The following TSPAN18 variants were observed in gnomAD, a reference collection of about 807,000 sequenced individuals.
TSPAN18 encodes tetraspanin 18.
A neutral mutation model predicts 27.3 loss-of-function variants in TSPAN18; 14 were observed. The ratio of observed to expected loss-of-function variants is 0.51; its 90% confidence interval spans 0.34 to 0.80. The LOEUF is 0.80. TSPAN18 is among the 30% of genes least tolerant of loss of function. The pLI, the probability that TSPAN18 is intolerant of heterozygous loss-of-function variation, is 0.01. For synonymous variants in TSPAN18, 143 were observed against 136.5 expected (o/e 1.05, Z -0.33); for missense variants, 268 against 323.9 (o/e 0.83, Z 1.32).
intron 1 of TSPAN18, among the ~76,000 whole-genome samples, chr11:44,746,873 G>T (rs1446839262): frequency 6.6e-6 from 1 of 152,230 alleles, no homozygotes; most frequent in Non-Finnish European, 1.5e-5. Context: ...TGCTTGCCTG[G>T]TGCTACCCCT....
At chr11:44,749,781 T>C (rs1590416779) in intron 1 of TSPAN18, among the ~76,000 whole-genome samples, 1 of 151,986 alleles carries the variant, frequency 6.6e-6, no homozygotes, top group Non-Finnish European at 1.5e-5. Flanking sequence ...GGACTACAGG[T>C]GCCCGCTACC....
At chr11:44,821,040 A>G (rs1223150064) in intron 2 of TSPAN18, among the ~76,000 whole-genome samples, 1 of 152,198 alleles carries the variant, frequency 6.6e-6, no homozygotes, top group Non-Finnish European at 1.5e-5. Context: ...CCAGAGCAAT[A>G]CATATGGACT....
At chr11:44,884,331 G>A (rs753981306) in intron 3 of TSPAN18, among the ~76,000 whole-genome samples, 3 of 152,166 alleles carry the variant, frequency 2.0e-5, no homozygotes, top group South Asian at 4.1e-4. Flanking sequence ...CAGCACAACC[G>A]TTCCATGTGC....
At chr11:44,741,135 G>A (rs537632953) in intron 1 of TSPAN18, among the ~76,000 whole-genome samples, 3 of 152,312 alleles carry the variant, frequency 2.0e-5, no homozygotes, top group East Asian at 3.9e-4. Context: ...TCAGGAAGCC[G>A]AGGCGTGGTT....
At chr11:44,782,545 CAAAAA>C (rs71038822) in intron 2 of TSPAN18, among the ~76,000 whole-genome samples, 3 of 110,692 alleles carry the variant, frequency 2.7e-5, no homozygotes, top group Non-Finnish European at 1.9e-5. Flanking sequence ...TCCGTCTCCA[CAAAAA>C]AAAAAAAAAA....
chr11:44,781,914 C>T (rs571964046), intron 2 of TSPAN18, among the ~76,000 whole-genome samples: 13 of 152,254 alleles, frequency 8.5e-5, no homozygotes, highest in Admixed American at 2.6e-4. Flanking sequence ...TTGCCTGTTC[C>T]GGAACTTGCT....
chr11:44,806,248 C>T (rs775156893), intron 2 of TSPAN18, among the ~76,000 whole-genome samples: 25 of 152,060 alleles, frequency 1.6e-4, no homozygotes, highest in Non-Finnish European at 3.5e-4. Context: ...TTGGCCAGGC[C>T]GCTCTCAAAC....
intron 3 of TSPAN18, among the ~76,000 whole-genome samples, chr11:44,887,328 C>T (rs1858689228): frequency 6.6e-6 from 1 of 152,218 alleles, no homozygotes; most frequent in South Asian, 2.1e-4. Flanking sequence ...CATGCAACGT[C>T]CTTAACCCAG....
intron 1 of TSPAN18, among the ~76,000 whole-genome samples, chr11:44,747,759 C>T (rs868179073): frequency 7.2e-5 from 11 of 152,188 alleles, no homozygotes; most frequent in East Asian, 1.9e-4. Context: ...CACACTCACA[C>T]GCTACCTTCA....
chr11:44,827,815 G>T (rs1407545580), intron 2 of TSPAN18, among the ~76,000 whole-genome samples: 1 of 152,206 alleles, frequency 6.6e-6, no homozygotes, highest in African/African-American at 2.4e-5. Context: ...TTGTGCAAAA[G>T]ATGTTGGCAG....
At chr11:44,831,146 A>G (rs1238808890) in intron 2 of TSPAN18, among the ~76,000 whole-genome samples, 1 of 152,126 alleles carries the variant, frequency 6.6e-6, no homozygotes, top group African/African-American at 2.4e-5. Context: ...AAACAAACAA[A>G]ACAAAATGCC....
Position 44,776,779 on chromosome 11 carries a change from A to G in TSPAN18, c.-153+12267A>G, listed in dbSNP as rs76444467. On this transcript the variant is annotated intron_variant, in intron 2 of 9. Transcript: ENST00000520358. ...AGGGCTGCCATGAGGATTCCAGGGA[A>G]GGTAGCTGAGGAAGTGCTGGGTCAG... Among the ~76,000 whole-genome samples the G allele has an allele frequency of 1.0e-3, 156 of 152,276 alleles. 1 individual carries two copies. The highest frequency in any genetic ancestry group is 1.9e-3 in the Non-Finnish European group (127 of 68,016).
rs1183412128 is a variant in TSPAN18, at chr11:44,854,202, G to GC, written c.-152-6126_-152-6125insC. ...TCTCTGCTCATTGGGGCAGGGGGTG[G>GC]GGGGGGGGGTTTGTGTGCGTGTGAT... On this transcript the variant is annotated intron_variant, in intron 2 of 9. Coordinates refer to ENST00000520358, the MANE Select transcript of TSPAN18 (RefSeq NM_130783.5). Among the ~76,000 whole-genome samples, 63 of 121,166 alleles carry GC rather than the reference G, an allele frequency of 5.2e-4. 3 individuals are homozygous for GC. Among genetic ancestry groups the GC allele is most frequent in the African/African-American group, 2.5e-3 (59 of 23,974 alleles). 79.5% of individuals were successfully genotyped at this position (121,166 alleles called of 152,430 possible). A position where few individuals can be genotyped will look rare whatever the true frequency, so the allele number is the denominator to read the frequency against.
chr11:44,768,731 G>A (rs1208222718), intron 2 of TSPAN18, among the ~76,000 whole-genome samples: 13 of 152,048 alleles, frequency 8.5e-5, no homozygotes, highest in African/African-American at 3.1e-4. Flanking sequence ...TTCTGTAGAT[G>A]CTCTTTATCA....
In TSPAN18 at chr11:44,850,533, T is replaced by C. The variant is rs186909969; in HGVS notation, c.-152-9795T>C. Among the ~76,000 whole-genome samples the C allele has an allele frequency of 5.3e-5, 8 of 152,256 alleles. No homozygotes were observed. In the East Asian group the frequency reaches 1.5e-3, roughly 29 times the overall value. On this transcript the variant is annotated intron_variant, in intron 2 of 9. Transcript: ENST00000520358. ...GGGTTTTTCCAGAAAAACCCTTCAA[T>C]GTGGATGGAATGATCATTGTAATAA...
At chr11:44,876,829 A>C (rs1332649279) in intron 3 of TSPAN18, among the ~76,000 whole-genome samples, 1 of 152,138 alleles carries the variant, frequency 6.6e-6, no homozygotes, top group East Asian at 1.9e-4. Context: ...AAGCTCCCTG[A>C]TATATGGAGA....
chr11:44,767,184 A>G (rs1235753676), intron 2 of TSPAN18, among the ~76,000 whole-genome samples: 2 of 152,208 alleles, frequency 1.3e-5, no homozygotes, highest in Non-Finnish European at 1.5e-5. Context: ...CTGATGTGCT[A>G]TCACTTGGAG....
intron 2 of TSPAN18, among the ~76,000 whole-genome samples, chr11:44,813,885 GAA>G (rs1383385165): frequency 6.6e-6 from 1 of 152,226 alleles, no homozygotes; most frequent in African/African-American, 2.4e-5. Flanking sequence ...CAGACCTGGA[GAA>G]AAGCCTGCAT....
chr11:44,834,346 GGCTCCAAAAGGAGAGA>G (rs1857219722), intron 2 of TSPAN18, among the ~76,000 whole-genome samples: 1 of 152,094 alleles, frequency 6.6e-6, no homozygotes, highest in African/African-American at 2.4e-5. Context: ...GCTTTTTGTT[GGCTCCAAAAGGAGAGA>G]GCCACACGGG....
Sources: allele counts gnomAD v4.1 joint callset (sites outside exome capture counted in the v4.1 genomes callset), GRCh38; gene constraint gnomAD v4.1.1; transcripts MANE v1.5; gene names NCBI Gene and HGNC (gene_info 2026-07-23, HGNC 2026-07-21).